The following ZNF462 variants were observed in gnomAD, a reference collection of about 807,000 sequenced individuals.
The protein encoded by ZNF462 is zinc finger PBX1-interacting protein.
ZNF462 carries 10 observed loss-of-function variants against 201.9 expected under a neutral mutation model. The observed-to-expected ratio is 0.05, with a 90% CI of 0.03 to 0.08. The LOEUF (loss-of-function observed/expected upper bound fraction) is 0.08, where lower values mean the gene tolerates loss of function less well. Ranked by LOEUF, ZNF462 falls within the 10% of genes least tolerant of loss-of-function variation. ZNF462 has a pLI of 1.00. For synonymous variants in ZNF462, 1,227 were observed against 1,193.3 expected (o/e 1.03, Z -0.58); for missense variants, 2,523 against 3,168.3 (o/e 0.80, Z 4.89).
rs1461677931 is a variant in ZNF462 at position 106,993,012 on chromosome 9, A to AATTACT, written c.7056+8603_7056+8604insATTACT. Among the ~76,000 whole-genome samples the AATTACT allele has an allele frequency of 6.6e-6, 1 of 152,164 alleles. No homozygotes were observed. Among genetic ancestry groups the AATTACT allele is most frequent in the Non-Finnish European group, 1.5e-5 (1 of 68,010 alleles). ...ATAGACTTAGCAATTGGTTCCAAAC[A>AATTACT]GGGATTCACTTTTTTTCCCAGTAAA... is the stretch of plus-strand genomic sequence containing the variant. On this transcript the variant is annotated intron_variant, in intron 10 of 12. Coordinates refer to ENST00000277225, the MANE Select transcript of ZNF462 (RefSeq NM_021224.6). The surrounding 1 kb of genome is among the most constrained non-coding windows in gnomAD (Gnocchi z 4.0).
chr9:106,932,614 C>G lies in ZNF462; in HGVS notation c.6116+65C>G. 6.2e-7 allele frequency: 1 copy of G among 1,605,744 alleles called. No homozygotes were observed. Among genetic ancestry groups the G allele is most frequent in the Non-Finnish European group, 8.5e-7 (1 of 1,174,142 alleles). On this transcript the variant is annotated intron_variant, in intron 5 of 12. Coordinates refer to ENST00000277225, the MANE Select transcript of ZNF462 (RefSeq NM_021224.6). The surrounding 1 kb of genome is among the most constrained non-coding windows in gnomAD (Gnocchi z 6.8). ...TGATGTCATAGTGGAAGGCACTAAGCTAAAGCAGAAGCTTGGATGAGTAAG... is the reference window on the plus strand; with the variant it reads ...TGATGTCATAGTGGAAGGCACTAAGGTAAAGCAGAAGCTTGGATGAGTAAG...
intron 5 of ZNF462, among the ~76,000 whole-genome samples, chr9:106,934,216 G>A (rs1588081668): frequency 6.6e-6 from 1 of 150,940 alleles, no homozygotes; most frequent in Admixed American, 6.6e-5. Flanking sequence ...TAAGTAATTT[G>A]CCCAAGGACA....
chr9:106,907,373 A>C (rs1200142653), intron 1 of ZNF462, among the ~76,000 whole-genome samples: 3 of 152,158 alleles, frequency 2.0e-5, no homozygotes, highest in Non-Finnish European at 4.4e-5. Flanking sequence ...AATGTCACTT[A>C]AGATGTTTTG....
rs775418843 is a variant in ZNF462 at position 106,972,177 on chromosome 9, C to A, written c.6600C>A (p.Ser2200=). ...ACTGCGAATTCTGTGAATTCTCCTC[C>A]GGCTACATCCAGAGCATCAGGCGTC... is the stretch of plus-strand genomic sequence containing the variant. ...VLHCEFCEFS[S]GYIQSIRRHY... is the part of the protein sequence containing the mutation. Residue 2200 remains serine (S), a synonymous_variant, in exon 8 of 13, where the codon TCC becomes TCA. Coordinates refer to ENST00000277225, the MANE Select transcript of ZNF462 (RefSeq NM_021224.6). The surrounding 1 kb of genome is among the most constrained non-coding windows in gnomAD (Gnocchi z 4.8). The A allele has an allele frequency of 2.5e-6, 4 of 1,614,098 alleles. No homozygotes were observed. The African/African-American group carries it at 4.0e-5, about 16-fold the overall frequency.
Position 106,924,145 on chromosome 9 carries a change from C to T in ZNF462, c.233C>T (p.Thr78Ile). 2 of 1,594,726 alleles carry T rather than the reference C, an allele frequency of 1.3e-6. No homozygotes were observed. The highest frequency in any genetic ancestry group is 1.2e-5 in the South Asian group (1 of 86,890). ...IAEDLSGQNA[T>I]SLGTGGYYGH... ...GCTTTTTCTTTAGGTCAAAATGCAA[C>T]TTCATTGGGGACCGGAGGTTACTAT... Residue 78 changes from threonine (T) to isoleucine (I), a missense_variant, in exon 3 of 13, where the codon ACT (threonine) becomes ATT (isoleucine). Around this residue, in one of 15 missense-constraint regions of ZNF462, gnomAD observed 480 missense variants for 544.4 expected, o/e 0.88. Coordinates refer to ENST00000277225, the MANE Select transcript of ZNF462 (RefSeq NM_021224.6). This position sits in a 1 kb window ranked among gnomAD's most constrained non-coding sequence, Gnocchi z 6.2.
At chr9:106,897,825 C>G (rs975410971) in intron 1 of ZNF462, among the ~76,000 whole-genome samples, 7 of 151,782 alleles carry the variant, frequency 4.6e-5, no homozygotes, top group Non-Finnish European at 1.0e-4. Flanking sequence ...AGGCCAGCAG[C>G]AGGGCCCTGC....
chr9:106,873,706 G>C (rs921087804), intron 1 of ZNF462, among the ~76,000 whole-genome samples: 2 of 152,122 alleles, frequency 1.3e-5, no homozygotes, highest in Non-Finnish European at 2.9e-5. Context: ...GCCTGTCTCT[G>C]AAACATCACA....
In ZNF462 at chr9:106,917,436, G is replaced by A. The variant is rs1210554596; in HGVS notation, c.-30-5918G>A. Among the ~76,000 whole-genome samples the A allele has an allele frequency of 6.6e-6, 1 of 152,184 alleles. No individual in the cohort carries two copies. Among genetic ancestry groups the A allele is most frequent in the Non-Finnish European group, 1.5e-5 (1 of 68,036 alleles). On this transcript the variant is annotated intron_variant, in intron 1 of 12. Transcript: ENST00000277225. This position sits in a 1 kb window ranked among gnomAD's most constrained non-coding sequence, Gnocchi z 4.5. ...TGCTTATATACAAGGTCCCACAGATGGACCAGGCCAACTGTATACAACAGA... is the reference window on the plus strand; with the variant it reads ...TGCTTATATACAAGGTCCCACAGATAGACCAGGCCAACTGTATACAACAGA...
chr9:106,952,421 A>G (rs1269562519), intron 7 of ZNF462, among the ~76,000 whole-genome samples: 2 of 152,246 alleles, frequency 1.3e-5, no homozygotes, highest in Non-Finnish European at 2.9e-5. Context: ...TTAATCAACC[A>G]TAGAATGGGT....
Position 106,930,824 on chromosome 9 carries a change from C to A in ZNF462, c.6012+135C>A. On this transcript the variant is annotated intron_variant, in intron 4 of 12. Coordinates refer to ENST00000277225, the MANE Select transcript of ZNF462 (RefSeq NM_021224.6). The surrounding 1 kb of genome is among the most constrained non-coding windows in gnomAD (Gnocchi z 5.8). ...CTGAATTATGCTTGGATTGGTTTGG[C>A]TTGTTTTGATTTCTTTGCAGGTTGG... 8.7e-7 allele frequency: 1 copy of A among 1,149,702 alleles called. No individual in the cohort carries two copies. Among genetic ancestry groups the A allele is most frequent in the Non-Finnish European group, 1.2e-6 (1 of 828,244 alleles). 71.2% of individuals were successfully genotyped at this position (1,149,702 alleles called of 1,614,324 possible).
At position 106,913,192 on chromosome 9, in the gene ZNF462, AG is replaced by A. The variant is rs1829623596; in HGVS notation, c.-30-10161del. On this transcript the variant is annotated intron_variant, in intron 1 of 12. Transcript: ENST00000277225. The surrounding 1 kb of genome is among the most constrained non-coding windows in gnomAD (Gnocchi z 4.1). ...GGACAAGTGGAAACTTAGAATTGCC[AG>A]TGGAGACTTAGAATTACTAGTGTCT... Among the ~76,000 whole-genome samples, 1 of 152,228 alleles carries A rather than the reference AG, an allele frequency of 6.6e-6. No homozygotes were observed. The highest frequency in any genetic ancestry group is 2.4e-5 in the African/African-American group (1 of 41,474).
intron 10 of ZNF462, among the ~76,000 whole-genome samples, chr9:106,986,700 T>G (rs946606362): frequency 6.6e-6 from 1 of 152,134 alleles, no homozygotes; most frequent in Non-Finnish European, 1.5e-5. Flanking sequence ...TTTGTGAGAT[T>G]TTGGTGCACC....
intron 10 of ZNF462, among the ~76,000 whole-genome samples, chr9:106,999,972 T>A (rs1829060332): frequency 6.6e-6 from 1 of 151,966 alleles, no homozygotes; most frequent in African/African-American, 2.4e-5. Flanking sequence ...CATTACTGAA[T>A]GGGGTGAGCT....
chr9:106,956,166 C>G (rs1831564575), intron 7 of ZNF462, among the ~76,000 whole-genome samples: 2 of 152,108 alleles, frequency 1.3e-5, no homozygotes, highest in Non-Finnish European at 2.9e-5. Context: ...ATCCTTATTA[C>G]CTGTATTTCT....
In ZNF462 at chr9:107,003,135, G is replaced by A. The variant is rs1054894095; in HGVS notation, c.7057-159G>A. Among the ~76,000 whole-genome samples the A allele has an allele frequency of 7.9e-5, 12 of 152,318 alleles. No homozygotes were observed. Among genetic ancestry groups the A allele is most frequent in the Middle Eastern group, 3.4e-3 (1 of 294 alleles). On this transcript the variant is annotated intron_variant, in intron 10 of 12. Transcript: ENST00000277225. The surrounding 1 kb of genome is among the most constrained non-coding windows in gnomAD (Gnocchi z 4.4). ...AAAGGGCTGCTCCATCTCCAAAAGAGTCAAAACGAAGAAAAAGACCTCTTA... is the reference window on the plus strand; with the variant it reads ...AAAGGGCTGCTCCATCTCCAAAAGAATCAAAACGAAGAAAAAGACCTCTTA...
chr9:106,941,912 G>T (rs1208487746), intron 7 of ZNF462, among the ~76,000 whole-genome samples: 1 of 152,220 alleles, frequency 6.6e-6, no homozygotes, highest in African/African-American at 2.4e-5. Context: ...CAGCTGTGGG[G>T]CTAGATAGTA....
chr9:106,885,136 G>C lies in ZNF462; in HGVS notation c.-31+21781G>C, dbSNP rs974366716. Among the ~76,000 whole-genome samples, 1 of 152,136 alleles carries C rather than the reference G, an allele frequency of 6.6e-6. No individual in the cohort carries two copies. Among genetic ancestry groups the C allele is most frequent in the African/African-American group, 2.4e-5 (1 of 41,420 alleles). On this transcript the variant is annotated intron_variant, in intron 1 of 12. Coordinates refer to ENST00000277225, the MANE Select transcript of ZNF462 (RefSeq NM_021224.6). The surrounding 1 kb of genome is among the most constrained non-coding windows in gnomAD (Gnocchi z 4.1). The stretch of plus-strand genomic sequence containing the variant: ...AAAATTTGGCAGGTCAGACACTTCA[G>C]CTTCCCAAGAAAATGCAAGGAATTT...
Position 106,913,725 on chromosome 9 carries a change from G to T in ZNF462, c.-30-9629G>T, listed in dbSNP as rs1291803929. 6.9e-6 allele frequency among the ~76,000 whole-genome samples: 1 copy of T among 145,948 alleles called. No homozygotes were observed. Among genetic ancestry groups the T allele is most frequent in the African/African-American group, 2.4e-5 (1 of 40,930 alleles). ...CAGTTTTCCTGCCTCAGCCTCCCGA[G>T]TAGCTGGGATTACAGGCACCTGCCA... On this transcript the variant is annotated intron_variant, in intron 1 of 12. Transcript: ENST00000277225. This position sits in a 1 kb window ranked among gnomAD's most constrained non-coding sequence, Gnocchi z 4.1.
At position 106,960,532 on chromosome 9, in the gene ZNF462, C is replaced by T. The variant is rs1449228026; in HGVS notation, c.6428-11473C>T. Among the ~76,000 whole-genome samples the T allele has an allele frequency of 3.3e-5, 5 of 152,048 alleles. 1 individual carries two copies. Among genetic ancestry groups the T allele is most frequent in the South Asian group, 4.1e-4 (2 of 4,824 alleles). ...GGTAAAGACATCTATATGATCTAAACGAACAGCAGGAAACCTTACTTCCTC... is the reference window on the plus strand; with the variant it reads ...GGTAAAGACATCTATATGATCTAAATGAACAGCAGGAAACCTTACTTCCTC... On this transcript the variant is annotated intron_variant, in intron 7 of 12. Transcript: ENST00000277225.
Sources: allele counts gnomAD v4.1 joint callset (sites outside exome capture counted in the v4.1 genomes callset), GRCh38; gene constraint gnomAD v4.1.1; regional missense constraint gnomAD v4.1.1; non-coding constraint Gnocchi (gnomAD v3.1); transcripts MANE v1.5; gene names NCBI Gene and HGNC (gene_info 2026-07-23, HGNC 2026-07-21).